Variants in CDKN2B-AS1 observed in about 807,000 individuals in gnomAD.
CDKN2B-AS1 encodes the protein CDKN2B antisense RNA 1 (non-protein coding).
At chr9:22,030,690 C>G in intron 1 of CDKN2B-AS1, 1 of 152,028 alleles carries the variant, frequency 6.6e-6, no homozygotes, top group East Asian at 1.9e-4. Context: ...CTTTAGTCCT[C>G]TTTAAGATTT....
chr9:21,995,681 G>A lies in CDKN2B-AS1; in HGVS notation n.29+520G>A, dbSNP rs1276003129. On this transcript the variant is annotated intron_variant and non_coding_transcript_variant, in intron 1 of 4. Transcript: ENST00000650946. This position sits in a 1 kb window ranked among gnomAD's most constrained non-coding sequence, Gnocchi z 5.7. Reference sequence around the variant, plus strand: ...AAGGAAGGAGCGGCAGAAAGGAGGGGTGAGTCGAGGACACAGGGGCAGCCG... The same window carrying A: ...AAGGAAGGAGCGGCAGAAAGGAGGGATGAGTCGAGGACACAGGGGCAGCCG... 1.3e-5 allele frequency: 2 copies of A among 152,782 alleles called. No homozygotes were observed. The highest frequency in any genetic ancestry group is 1.5e-5 in the Non-Finnish European group (1 of 68,480). 9.5% of individuals were successfully genotyped at this position (152,782 alleles called of 1,614,324 possible).
intron 4 of CDKN2B-AS1, chr9:22,118,751 G>C (rs1370007146): frequency 6.6e-6 from 1 of 152,130 alleles, no homozygotes; most frequent in Middle Eastern, 3.2e-3. Flanking sequence ...GTGCAAGTAT[G>C]GTCTGTGATC....
chr9:22,048,206 G>A lies in CDKN2B-AS1; in HGVS notation n.180-900G>A, dbSNP rs541879097. On this transcript the variant is annotated intron_variant and non_coding_transcript_variant, in intron 2 of 4. Transcript: ENST00000650946. ...ACTGTCATCCTGTAAATGTCTTTCC[G>A]TCCTAATCCCATTGCCCATGCACTC... Among the ~76,000 whole-genome samples the A allele has an allele frequency of 2.0e-3, 305 of 152,158 alleles. 1 individual carries two copies. Among genetic ancestry groups the A allele is most frequent in the African/African-American group, 7.0e-3 (289 of 41,516 alleles).
At chr9:22,098,419 A>ATT (rs11288208) in intron 4 of CDKN2B-AS1, among the ~76,000 whole-genome samples, 2 of 145,486 alleles carry the variant, frequency 1.4e-5, no homozygotes, top group Non-Finnish European at 1.5e-5. Flanking sequence ...ATGGGCAAGA[A>ATT]TTTTTTTTTT....
exon 5 of CDKN2B-AS1, among the ~76,000 whole-genome samples, chr9:22,127,297 G>A (rs899402985): frequency 6.6e-6 from 1 of 152,062 alleles, no homozygotes; most frequent in African/African-American, 2.4e-5. Flanking sequence ...GGCCAGGCTG[G>A]TCTTAAACTC....
intron 4 of CDKN2B-AS1, among the ~76,000 whole-genome samples, chr9:22,111,504 C>A (rs1211243166): frequency 6.6e-6 from 1 of 152,132 alleles, no homozygotes; most frequent in Non-Finnish European, 1.5e-5. Flanking sequence ...AGAATGAGTT[C>A]ATACTTGGCA....
At chr9:22,008,229 A>G (rs1821290210) in intron 1 of CDKN2B-AS1, among the ~76,000 whole-genome samples, 1 of 152,204 alleles carries the variant, frequency 6.6e-6, no homozygotes, top group South Asian at 2.1e-4. Context: ...TGAGAAACCT[A>G]TAGAACTATA....
chr9:22,099,688 G>C (rs1825414879), intron 4 of CDKN2B-AS1, among the ~76,000 whole-genome samples: 1 of 151,930 alleles, frequency 6.6e-6, no homozygotes, highest in Non-Finnish European at 1.5e-5. Flanking sequence ...ATGGTGGGGT[G>C]GTAAAGAGGG....
intron 1 of CDKN2B-AS1, chr9:22,029,564 G>A (rs893337203): frequency 2.6e-6 from 2 of 778,272 alleles, no homozygotes; most frequent in East Asian, 4.9e-5. Context: ...TTAGGGTGTG[G>A]TATGTGCCAC....
In CDKN2B-AS1 at chr9:22,006,099, G is replaced by A. The variant is rs2131180909; in HGVS notation, n.29+10938G>A. The A allele has an allele frequency of 6.2e-7, 1 of 1,609,048 alleles. No individual in the cohort carries two copies. On this transcript the variant is annotated intron_variant and non_coding_transcript_variant, in intron 1 of 4. Transcript: ENST00000650946. This position sits in a 1 kb window ranked among gnomAD's most constrained non-coding sequence, Gnocchi z 6.4. Reference sequence around the variant, plus strand: ...ATCGCGCACGTCCAGCCGCGCCCCGGCCCGGTGCAGCACCACCAGCGTGTC... The same window carrying A: ...ATCGCGCACGTCCAGCCGCGCCCCGACCCGGTGCAGCACCACCAGCGTGTC...
At chr9:22,027,698 G>T (rs113388289) in intron 1 of CDKN2B-AS1, among the ~76,000 whole-genome samples, 2 of 152,044 alleles carry the variant, frequency 1.3e-5, no homozygotes, top group African/African-American at 4.8e-5. Flanking sequence ...CACTCTTTTC[G>T]GTCCTCAAAA....
At chr9:22,109,026 G>A (rs982643490) in intron 4 of CDKN2B-AS1, among the ~76,000 whole-genome samples, 1 of 152,126 alleles carries the variant, frequency 6.6e-6, no homozygotes, top group African/African-American at 2.4e-5. Context: ...TTGAATTTAT[G>A]AGATTATTTT....
At chr9:22,029,864 A>G (rs996039090) in intron 1 of CDKN2B-AS1, 3 of 182,084 alleles carry the variant, frequency 1.6e-5, no homozygotes, top group Admixed American at 6.0e-5. Context: ...TACAAAATGG[A>G]TAGTGGATAA....
chr9:22,044,726 A>AT (rs1022008089), intron 1 of CDKN2B-AS1, among the ~76,000 whole-genome samples: 19 of 148,580 alleles, frequency 1.3e-4, no homozygotes, highest in East Asian at 2.0e-4. Flanking sequence ...TATCCCCATC[A>AT]TTTTTTTTTC....
intron 4 of CDKN2B-AS1, among the ~76,000 whole-genome samples, chr9:22,110,237 C>T (rs943602615): frequency 6.6e-6 from 1 of 152,124 alleles, no homozygotes; most frequent in Non-Finnish European, 1.5e-5. Context: ...ATATCAGCAA[C>T]TAAACATCTC....
At chr9:22,033,367 C>T (rs2157719) in intron 1 of CDKN2B-AS1, among the ~76,000 whole-genome samples, 108,798 of 152,062 alleles carry the variant, frequency 0.72, 40,791 homozygotes, top group African/African-American at 0.93. Flanking sequence ...GGAGTACATA[C>T]GGACGAATTT....
intron 4 of CDKN2B-AS1, among the ~76,000 whole-genome samples, chr9:22,097,656 A>G (rs1411067029): frequency 6.6e-6 from 1 of 152,228 alleles, no homozygotes; most frequent in Non-Finnish European, 1.5e-5. Flanking sequence ...CTTGTTTACA[A>G]TTCTAAGAAT....
At chr9:22,098,478 A>C (rs1236779178) in intron 4 of CDKN2B-AS1, among the ~76,000 whole-genome samples, 1 of 152,014 alleles carries the variant, frequency 6.6e-6, no homozygotes. Flanking sequence ...CACCTTTATA[A>C]AAATAAAATA....
At chr9:22,003,768 A>G (rs1563911462) in intron 1 of CDKN2B-AS1, 1 of 232,146 alleles carries the variant, frequency 4.3e-6, no homozygotes, top group Non-Finnish European at 8.5e-6. Context: ...GTTATTCTCC[A>G]TATTGTTGAC....
Sources: allele counts gnomAD v4.1 joint callset (sites outside exome capture counted in the v4.1 genomes callset), GRCh38; gene constraint gnomAD v4.1.1; non-coding constraint Gnocchi (gnomAD v3.1); transcripts MANE v1.5; gene names NCBI Gene and HGNC (gene_info 2026-07-23, HGNC 2026-07-21).